Variants in CYRIB observed in about 807,000 individuals in gnomAD.
The protein encoded by CYRIB is CYFIP related Rac1 interactor B, also known as CYFIP-related Rac1 interactor B.
A neutral mutation model predicts 44.2 loss-of-function variants in CYRIB; 8 were observed. That is an observed-to-expected ratio of 0.18 (90% CI 0.11 to 0.33). CYRIB has a LOEUF of 0.33. Among genes scored for constraint, CYRIB ranks in the 10% least tolerant of loss-of-function variants. CYRIB has a pLI of 1.00. For synonymous variants in CYRIB, 131 were observed against 127.2 expected, an observed-to-expected ratio of 1.03 and a Z score of -0.20; for missense variants, 185 against 382.8, an observed-to-expected ratio of 0.48 and a Z score of 4.31.
chr8:129,897,414 G>A (rs2068617413), intron 2 of CYRIB, among the ~76,000 whole-genome samples: 1 of 151,716 alleles, frequency 6.6e-6, no homozygotes. Context: ...CTCCTCCTTG[G>A]TTTAAATTCT....
intron 1 of CYRIB, among the ~76,000 whole-genome samples, chr8:129,981,770 G>C (rs966223864): frequency 1.3e-5 from 2 of 152,206 alleles, no homozygotes; most frequent in Non-Finnish European, 2.9e-5. Context: ...TCCTGACTGA[G>C]CTTCCTCCCA....
intron 2 of CYRIB, among the ~76,000 whole-genome samples, chr8:129,891,201 C>G (rs139457445): frequency 3.3e-5 from 5 of 152,196 alleles, no homozygotes; most frequent in Non-Finnish European, 7.3e-5. Context: ...TTCCCTCAGC[C>G]CTAAAAGTAA....
intron 2 of CYRIB, among the ~76,000 whole-genome samples, chr8:129,968,543 G>A (rs542614103): frequency 7.2e-5 from 11 of 152,020 alleles, no homozygotes; most frequent in African/African-American, 1.9e-4. Context: ...TTGTGAACTC[G>A]TCTTCAGAGG....
intron 2 of CYRIB, among the ~76,000 whole-genome samples, chr8:129,884,802 A>G (rs1487381544): frequency 6.6e-6 from 1 of 152,256 alleles, no homozygotes; most frequent in Admixed American, 6.5e-5. Context: ...ACACAGATTT[A>G]ATACACAGAA....
At chr8:129,947,490 T>C (rs1232798484) in intron 2 of CYRIB, among the ~76,000 whole-genome samples, 1 of 152,222 alleles carries the variant, frequency 6.6e-6, no homozygotes, top group African/African-American at 2.4e-5. Flanking sequence ...CCATGCCCAC[T>C]GCAGTTCCTG....
chr8:129,999,703 C>T (rs2096864279), intron 1 of CYRIB, among the ~76,000 whole-genome samples: 1 of 152,232 alleles, frequency 6.6e-6, no homozygotes, highest in South Asian at 2.1e-4. Context: ...TCACGGCTCC[C>T]TGAAGCCTCG....
chr8:129,961,247 T>C (rs2095245934), intron 2 of CYRIB, among the ~76,000 whole-genome samples: 2 of 152,304 alleles, frequency 1.3e-5, no homozygotes, highest in African/African-American at 4.8e-5. Flanking sequence ...ATTTCCCCCC[T>C]GTTCAGCTAA....
At chr8:129,879,101 T>C (rs982092341) in intron 3 of CYRIB, among the ~76,000 whole-genome samples, 1 of 151,548 alleles carries the variant, frequency 6.6e-6, no homozygotes, top group East Asian at 2.0e-4. Context: ...TCCAACAAAA[T>C]TTTTTCATAA....
At chr8:129,961,436 T>A (rs996943835) in intron 2 of CYRIB, among the ~76,000 whole-genome samples, 5 of 152,170 alleles carry the variant, frequency 3.3e-5, no homozygotes, top group African/African-American at 1.2e-4. Context: ...AGGAGCAGCA[T>A]CCTAGGCAGA....
intron 1 of CYRIB, among the ~76,000 whole-genome samples, chr8:130,009,197 T>A (rs1201880969): frequency 1.3e-5 from 2 of 152,144 alleles, no homozygotes; most frequent in African/African-American, 4.8e-5. Context: ...CTGTCCTTTT[T>A]CAAAGGCGCC....
intron 1 of CYRIB, among the ~76,000 whole-genome samples, chr8:129,913,433 C>A (rs550776244): frequency 6.6e-6 from 1 of 152,212 alleles, no homozygotes; most frequent in African/African-American, 2.4e-5. Context: ...AATACATACA[C>A]GTGCATTCAT....
chr8:130,015,484 G>C (rs2097321249), intron 1 of CYRIB, among the ~76,000 whole-genome samples: 1 of 152,162 alleles, frequency 6.6e-6, no homozygotes, highest in South Asian at 2.1e-4. Flanking sequence ...TAAGCGGCAG[G>C]GCCAGGAATT....
At chr8:129,887,772 T>C (rs1354980164) in intron 2 of CYRIB, among the ~76,000 whole-genome samples, 1 of 152,242 alleles carries the variant, frequency 6.6e-6, no homozygotes, top group Non-Finnish European at 1.5e-5. Context: ...CTGCTAGGTT[T>C]CAGATGTGTA....
intron 4 of CYRIB, among the ~76,000 whole-genome samples, chr8:129,869,406 C>CAAAAAAAAAAAAAAAAAAAAAAAAAAAAA (rs1180474047): frequency 7.8e-6 from 1 of 128,416 alleles, no homozygotes; most frequent in African/African-American, 2.9e-5. Flanking sequence ...AAAAAAAAAT[C>CAAAAAAAAAAAAAAAAAAAAAAAAAAAAA]AAACAGGTAA....
chr8:129,846,782 A>C (rs748746611), intron 11 of CYRIB, 22 bp downstream of exon 13: 2 of 1,543,682 alleles, frequency 1.3e-6, no homozygotes, highest in East Asian at 4.7e-5. Context: ...TTCTGTACAT[A>C]CGTACACGTA....
chr8:129,887,080 T>A (rs1254083925), intron 2 of CYRIB, among the ~76,000 whole-genome samples: 2 of 152,072 alleles, frequency 1.3e-5, no homozygotes, highest in East Asian at 3.9e-4. Flanking sequence ...ATGGGGAAAA[T>A]GCCTTGAAGG....
At chr8:129,964,492 GT>G (rs1041685732) in intron 2 of CYRIB, among the ~76,000 whole-genome samples, 27 of 152,278 alleles carry the variant, frequency 1.8e-4, no homozygotes, top group African/African-American at 6.0e-4. Flanking sequence ...TGGGTTACCC[GT>G]TTCCAAAACA....
At chr8:129,884,519 C>T (rs1265643894) in intron 2 of CYRIB, among the ~76,000 whole-genome samples, 2 of 152,024 alleles carry the variant, frequency 1.3e-5, no homozygotes, top group Non-Finnish European at 2.9e-5. Context: ...AACTCCCAAC[C>T]GCAGGTGACC....
chr8:130,000,573 G>C (rs909221844), intron 1 of CYRIB, among the ~76,000 whole-genome samples: 4 of 152,038 alleles, frequency 2.6e-5, no homozygotes, highest in African/African-American at 9.7e-5. Flanking sequence ...CAAGCCTACA[G>C]TCCCAGCTAC....
Sources: gnomAD v4.1 joint callset for allele counts (sites outside exome capture counted in the v4.1 genomes callset) on GRCh38, gnomAD v4.1.1 for gene constraint, MANE v1.5 for transcripts, NCBI Gene and HGNC (gene_info 2026-07-23, HGNC 2026-07-21) for gene names.